Variants in SLC43A1 observed in about 807,000 individuals in gnomAD.
The protein encoded by SLC43A1 is large neutral amino acids transporter small subunit 3.
A neutral mutation model predicts 59.5 loss-of-function variants in SLC43A1; 31 were observed. That is an observed-to-expected ratio of 0.52 (90% CI 0.39 to 0.70). The LOEUF (loss-of-function observed/expected upper bound fraction) is 0.70. Ranked by LOEUF, SLC43A1 falls within the 30% of genes least tolerant of loss-of-function variation. The pLI is 0.00. For synonymous variants in SLC43A1, 259 were observed against 290.9 expected (o/e 0.89, Z 1.12); for missense variants, 598 against 717.8 (o/e 0.83, Z 1.91).
At chr11:57,512,588 AG>A (rs1944577147) in intron 2 of SLC43A1, among the ~76,000 whole-genome samples, 1 of 151,318 alleles carries the variant, frequency 6.6e-6, no homozygotes, top group Non-Finnish European at 1.5e-5. Flanking sequence ...GCAGGTGTCA[AG>A]GGCAGGCAGG....
chr11:57,514,154 G>GC lies in SLC43A1; in HGVS notation c.-13-31dup, dbSNP rs764253328. 8 of 1,539,050 alleles carry GC rather than the reference G, an allele frequency of 5.2e-6. No individual in the cohort carries two copies. Among genetic ancestry groups the GC allele is most frequent in the African/African-American group, 2.8e-5 (2 of 72,470 alleles). On this transcript the variant is annotated intron_variant, in intron 1 of 14. Transcript: ENST00000278426. This position sits in a 1 kb window ranked among gnomAD's most constrained non-coding sequence, Gnocchi z 5.5. ...ACAGAAACAGAGCGCTGGGTGAAGG[G>GC]CCCCCCAGTGGCCCCAGGGAAGGGT...
intron 5 of SLC43A1, among the ~76,000 whole-genome samples, chr11:57,499,860 G>A (rs1444890966): frequency 1.3e-5 from 2 of 152,144 alleles, no homozygotes; most frequent in African/African-American, 4.8e-5. Flanking sequence ...AGGGATTTAG[G>A]GCCCTGGGCC....
chr11:57,497,909 C>A, intron 5 of SLC43A1, 64 bp from the exon 6 acceptor site: 1 of 1,276,530 alleles, frequency 7.8e-7, no homozygotes. Context: ...CATTCCCAGC[C>A]CTGCTCCATA....
chr11:57,499,690 G>T, intron 5 of SLC43A1: 1 of 152,572 alleles, frequency 6.6e-6, no homozygotes. Flanking sequence ...CCCAGGGGGC[G>T]GGGCCGGCCA....
intron 2 of SLC43A1, 81 bp from the exon 3 acceptor site, chr11:57,501,410 C>T: frequency 1.4e-6 from 2 of 1,478,178 alleles, no homozygotes; most frequent in Non-Finnish European, 9.3e-7. Flanking sequence ...AGTCAGGCGG[C>T]CTGCTTTCAA....
intron 2 of SLC43A1, among the ~76,000 whole-genome samples, chr11:57,503,968 T>C (rs1590772145): frequency 6.6e-6 from 1 of 151,274 alleles, no homozygotes; most frequent in Admixed American, 6.6e-5. Flanking sequence ...CCAAGGAGGG[T>C]AAATCACAAA....
At chr11:57,496,264 C>A (rs1445528467) in intron 6 of SLC43A1, 100 bp from the exon 7 acceptor site, 11 of 1,378,626 alleles carry the variant, frequency 8.0e-6, no homozygotes, top group African/African-American at 2.9e-5. Context: ...GTTCTCTTCT[C>A]CCCTTGTCCT....
chr11:57,497,914 T>TC, intron 5 of SLC43A1, 69 bp from the exon 6 acceptor site: 1 of 1,199,390 alleles, frequency 8.3e-7, no homozygotes, highest in Non-Finnish European at 1.2e-6. Context: ...CCAGCCCTGC[T>TC]CCATACAATA....
chr11:57,494,193 T>C (rs555156320), intron 7 of SLC43A1, 22 bp from the exon 8 acceptor site: 13 of 1,601,332 alleles, frequency 8.1e-6, no homozygotes, highest in African/African-American at 8.1e-5. Flanking sequence ...CAGGCCAGAG[T>C]GTAGAGGAAC....
Position 57,515,053 on chromosome 11 carries a change from C to A in SLC43A1, c.-14+391G>T. The A allele has an allele frequency of 1.0e-6, 1 of 985,042 alleles. No homozygotes were observed. The highest frequency in any genetic ancestry group is 1.2e-6 in the Non-Finnish European group (1 of 829,882). The allele number at this position is 985,042 out of a possible 1,614,324, so 61.0% of individuals were successfully genotyped here. On this transcript the variant is annotated intron_variant, in intron 1 of 14. Coordinates refer to ENST00000278426, the MANE Select transcript of SLC43A1 (RefSeq NM_003627.6). This position sits in a 1 kb window ranked among gnomAD's most constrained non-coding sequence, Gnocchi z 5.3. ...ACAACTGGGATGAGACCGAGGAAAG[C>A]GGAGAGGAGAAGGGCAAGAAAGACC...
chr11:57,491,291 T>C lies in SLC43A1; in HGVS notation c.1126A>G (p.Ile376Val). The C allele has an allele frequency of 1.2e-6, 2 of 1,611,978 alleles. No individual in the cohort carries two copies. Among genetic ancestry groups the C allele is most frequent in the Non-Finnish European group, 1.7e-6 (2 of 1,178,944 alleles). Residue 376 changes from isoleucine (I) to valine (V), a missense_variant, in exon 11 of 15, where the codon ATC (isoleucine) becomes GTC (valine). Ile to Val is a conservative substitution (Grantham distance 29, BLOSUM62 3). Coordinates refer to ENST00000278426, the MANE Select transcript of SLC43A1 (RefSeq NM_003627.6). ...CAGTCCTTGATCCGCCAGTCCATGA[T>C]GTAGCCAATGAGGGGGCAGGTGAGA... ...CLLTCPLIGY[I>V]MDWRIKDCVD...
intron 2 of SLC43A1, among the ~76,000 whole-genome samples, chr11:57,510,849 G>A (rs571041198): frequency 2.0e-5 from 3 of 151,858 alleles, no homozygotes; most frequent in South Asian, 2.1e-4. Context: ...AAAATTAGCC[G>A]AGCATGGTGG....
chr11:57,493,870 A>T, intron 8 of SLC43A1, 123 bp downstream of exon 8: 1 of 898,068 alleles, frequency 1.1e-6, no homozygotes, highest in Non-Finnish European at 1.6e-6. Context: ...TGCCCCACCT[A>T]CATCATGGGG....
At chr11:57,488,561 A>G (rs1380163759) in intron 13 of SLC43A1, among the ~76,000 whole-genome samples, 1 of 152,162 alleles carries the variant, frequency 6.6e-6, no homozygotes, top group Non-Finnish European at 1.5e-5. Context: ...CAGGAGAGAG[A>G]TGCAAGTGGG....
intron 2 of SLC43A1, 99 bp downstream of exon 2, chr11:57,513,859 C>G (rs779193522): frequency 1.9e-4 from 178 of 937,046 alleles, no homozygotes; most frequent in Non-Finnish European, 2.8e-4. Context: ...CAACTGCTGA[C>G]CCTGCTTTCT....
intron 10 of SLC43A1, 65 bp downstream of exon 10, chr11:57,491,526 C>A: frequency 6.2e-7 from 1 of 1,604,738 alleles, no homozygotes; most frequent in South Asian, 1.1e-5. Flanking sequence ...AGAGGAGTCC[C>A]GCCCCCTGAG....
At position 57,501,029 on chromosome 11, in the gene SLC43A1, G is replaced by A. The variant is rs772347064; in HGVS notation, c.347C>T (p.Ala116Val). 4.9e-5 allele frequency: 78 copies of A among 1,602,392 alleles called. No homozygotes were observed. The highest frequency in any genetic ancestry group is 6.0e-5 in the Non-Finnish European group (70 of 1,174,402). The change falls in exon 4 of 15, where the codon GCG becomes GTG. Residue 116 changes from alanine to valine, a missense_variant. Transcript: ENST00000278426. Reference sequence around the variant, plus strand: ...GGCCAGGGCCATGAGGGTGCAGGACGCAGTGAAGCAGGCACTGTGGAGACA... The same window carrying A: ...GGCCAGGGCCATGAGGGTGCAGGACACAGTGAAGCAGGCACTGTGGAGACA... Reference protein sequence around the residue: ...VRLVGSACFTASCTLMALASR... With the variant: ...VRLVGSACFTVSCTLMALASR...
At chr11:57,494,222 C>T (rs765201553) in intron 7 of SLC43A1, 51 bp from the exon 8 acceptor site, 2 of 1,560,992 alleles carry the variant, frequency 1.3e-6, no homozygotes, top group Non-Finnish European at 1.7e-6. Flanking sequence ...CAGAGCCCAC[C>T]TTCAACGGCC....
intron 5 of SLC43A1, among the ~76,000 whole-genome samples, chr11:57,498,124 A>C (rs777217964): frequency 2.0e-5 from 3 of 152,116 alleles, no homozygotes; most frequent in Non-Finnish European, 4.4e-5. Context: ...CCTCTGAAAA[A>C]CACATGGAAT....
Sources: gnomAD v4.1 joint callset for allele counts (sites outside exome capture counted in the v4.1 genomes callset) on GRCh38, gnomAD v4.1.1 for gene constraint, Gnocchi (gnomAD v3.1) non-coding constraint, MANE v1.5 for transcripts, NCBI Gene and HGNC (gene_info 2026-07-23, HGNC 2026-07-21) for gene names.